NUP93: variants seen among roughly 807,000 people sequenced by gnomAD.
NUP93 encodes nucleoporin 93, also known as nuclear pore complex protein Nup93.
Under a neutral mutation model 107.8 loss-of-function variants are expected in NUP93, and 55 were observed. The ratio of observed to expected loss-of-function variants is 0.51; its 90% CI spans 0.41 to 0.64. The LOEUF (loss-of-function observed/expected upper bound fraction) is 0.64. Ranked by LOEUF, NUP93 falls within the 30% of genes least tolerant of loss-of-function variation. The pLI, the probability that NUP93 is intolerant of heterozygous loss-of-function variation, is 0.00. For missense variants in NUP93, 937 were observed against 1,044.7 expected, an observed-to-expected ratio of 0.90 and a Z score of 1.42; for synonymous variants, 390 against 397.5, an observed-to-expected ratio of 0.98 and a Z score of 0.22.
chr16:56,779,904 A>T (rs1962482700), intron 3 of NUP93, among the ~76,000 whole-genome samples: 2 of 152,166 alleles, frequency 1.3e-5, no homozygotes, highest in African/African-American at 4.8e-5. Context: ...TCCGTGAAAT[A>T]GTTTGACTTT....
chr16:56,740,175 C>T (rs1961699936), intron 1 of NUP93, among the ~76,000 whole-genome samples: 1 of 147,126 alleles, frequency 6.8e-6, no homozygotes, highest in African/African-American at 2.5e-5. Context: ...CGGAGACGCT[C>T]CTCACTTCCC....
In NUP93 at chr16:56,836,735, C is replaced by G; in HGVS notation, c.1899+18C>G. 2.0e-6 allele frequency: 3 copies of G among 1,509,410 alleles called. No individual in the cohort carries two copies. The highest frequency in any genetic ancestry group is 2.8e-6 in the Non-Finnish European group (3 of 1,086,270). 93.5% of individuals were successfully genotyped at this position (1,509,410 alleles called of 1,614,324 possible). A position where few individuals can be genotyped will look rare whatever the true frequency, so the allele number is the denominator to read the frequency against. On this transcript the variant is annotated intron_variant, in intron 17 of 21. Coordinates refer to ENST00000308159, the MANE Select transcript of NUP93 (RefSeq NM_014669.5). Reference sequence around the variant, plus strand: ...TTGCCAAGGTAAAGTGTGCCCACTTCCTTCTTTTGCACTTCACAGGTCTGC... The same window carrying G: ...TTGCCAAGGTAAAGTGTGCCCACTTGCTTCTTTTGCACTTCACAGGTCTGC...
chr16:56,735,651 C>T (rs947600486), intron 1 of NUP93, among the ~76,000 whole-genome samples: 2 of 152,016 alleles, frequency 1.3e-5, no homozygotes, highest in Non-Finnish European at 2.9e-5. Flanking sequence ...TCGAGACCAG[C>T]GTGGCAAACA....
chr16:56,779,255 AC>A (rs1424626837), intron 3 of NUP93, among the ~76,000 whole-genome samples: 1 of 152,156 alleles, frequency 6.6e-6, no homozygotes, highest in Non-Finnish European at 1.5e-5. Context: ...ATATTATTTT[AC>A]CTGGCAATTA....
At chr16:56,763,754 A>T (rs1962170875) in intron 3 of NUP93, among the ~76,000 whole-genome samples, 3 of 152,066 alleles carry the variant, frequency 2.0e-5, no homozygotes, top group African/African-American at 7.2e-5. Context: ...AACTTCCTGA[A>T]TGTTCCCTTA....
chr16:56,832,391 A>G lies in NUP93; in HGVS notation c.1345+3A>G. On this transcript the variant is annotated splice_donor_region_variant and intron_variant, in intron 12 of 21. Transcript: ENST00000308159. The stretch of plus-strand genomic sequence containing the variant: ...GAAGCAGTTGTTGGAAGACTATGGT[A>G]AGATTCTGGACATAACCACCTTTCC... 6.2e-7 allele frequency: 1 copy of G among 1,609,206 alleles called. No homozygotes were observed. The highest frequency in any genetic ancestry group is 8.5e-7 in the Non-Finnish European group (1 of 1,175,472).
chr16:56,801,283 T>C (rs1329371322), intron 4 of NUP93, among the ~76,000 whole-genome samples: 1 of 152,206 alleles, frequency 6.6e-6, no homozygotes, highest in Non-Finnish European at 1.5e-5. Flanking sequence ...ATAAACAGAA[T>C]AGATTGGAAT....
chr16:56,770,505 G>T (rs1455642596), intron 3 of NUP93, among the ~76,000 whole-genome samples: 1 of 152,162 alleles, frequency 6.6e-6, no homozygotes, highest in Admixed American at 6.5e-5. Context: ...TTTAAGGGGG[G>T]AAAATTGACT....
At chr16:56,830,427 T>C in intron 9 of NUP93, 101 bp from the exon 10 acceptor site, 1 of 1,121,402 alleles carries the variant, frequency 8.9e-7, no homozygotes, top group Non-Finnish European at 1.2e-6. Context: ...GAAGATTAAG[T>C]GACATATTAT....
chr16:56,750,335 A>C (rs1175156060), intron 2 of NUP93, among the ~76,000 whole-genome samples: 1 of 152,196 alleles, frequency 6.6e-6, no homozygotes, highest in East Asian at 1.9e-4. Flanking sequence ...TGGTGTGAAT[A>C]TTTTAGTACA....
intron 8 of NUP93, among the ~76,000 whole-genome samples, chr16:56,827,974 G>T (rs1307343577): frequency 1.3e-5 from 2 of 152,160 alleles, no homozygotes; most frequent in Non-Finnish European, 2.9e-5. Context: ...ACGAAAATTA[G>T]CTGGGCGTGG....
rs550426006 is a variant in NUP93, at chr16:56,773,010, T to C, written c.297+14355T>C. On this transcript the variant is annotated intron_variant, in intron 3 of 21. Transcript: ENST00000308159. The stretch of plus-strand genomic sequence containing the variant: ...CTCAGGCATGCCTACATGAGGAAGC[T>C]TCCATAAAAACCCAAAAGGAAGTCT... Among the ~76,000 whole-genome samples the C allele has an allele frequency of 8.5e-5, 13 of 152,334 alleles. No homozygotes were observed. In the South Asian group the frequency reaches 2.1e-3, roughly 24 times the overall value.
At chr16:56,790,132 A>C (rs570290404) in intron 3 of NUP93, among the ~76,000 whole-genome samples, 3 of 115,472 alleles carry the variant, frequency 2.6e-5, no homozygotes, top group East Asian at 5.1e-4. Flanking sequence ...CAAAACAAAA[A>C]AACAAGCAGT....
At position 56,775,649 on chromosome 16, in the gene NUP93, C is replaced by T. The variant is rs899229306; in HGVS notation, c.297+16994C>T. Among the ~76,000 whole-genome samples, 14 of 152,196 alleles carry T rather than the reference C, an allele frequency of 9.2e-5. 1 individual carries two copies. The highest frequency in any genetic ancestry group is 3.1e-4 in the African/African-American group (13 of 41,444). ...TTTTAAAACCATTTGCCTGTCCCTG[C>T]TGGAAGCCTGATGGAGAGAACAGTG... is the stretch of plus-strand genomic sequence containing the variant. On this transcript the variant is annotated intron_variant, in intron 3 of 21. Coordinates refer to ENST00000308159, the MANE Select transcript of NUP93 (RefSeq NM_014669.5).
intron 3 of NUP93, among the ~76,000 whole-genome samples, chr16:56,768,272 C>T (rs1281864934): frequency 6.6e-6 from 1 of 152,188 alleles, no homozygotes; most frequent in African/African-American, 2.4e-5. Flanking sequence ...ACATTACGTT[C>T]TTGTCTTTTG....
chr16:56,732,453 A>AT (rs1961550360), intron 1 of NUP93, among the ~76,000 whole-genome samples: 3 of 152,202 alleles, frequency 2.0e-5, no homozygotes. Flanking sequence ...AGGAAGTGTG[A>AT]TGTCAGGGCT....
At chr16:56,731,892 TAAAAG>T (rs1338105066) in intron 1 of NUP93, among the ~76,000 whole-genome samples, 10 of 151,260 alleles carry the variant, frequency 6.6e-5, no homozygotes, top group Admixed American at 5.2e-4. Context: ...TTCCTTTACT[TAAAAG>T]AAAAAAAAAA....
intron 3 of NUP93, among the ~76,000 whole-genome samples, chr16:56,764,730 A>G (rs567035412): frequency 6.6e-6 from 1 of 152,352 alleles, no homozygotes; most frequent in South Asian, 2.1e-4. Flanking sequence ...AGATTTGCCT[A>G]GAATGATTAA....
intron 1 of NUP93, among the ~76,000 whole-genome samples, chr16:56,735,405 G>C (rs1961595372): frequency 6.6e-6 from 1 of 152,188 alleles, no homozygotes; most frequent in Non-Finnish European, 1.5e-5. Context: ...ACATGTGCAA[G>C]GATAGTCAGG....
Sources: allele counts gnomAD v4.1 joint callset (sites outside exome capture counted in the v4.1 genomes callset), GRCh38; gene constraint gnomAD v4.1.1; transcripts MANE v1.5; gene names NCBI Gene and HGNC (gene_info 2026-07-23, HGNC 2026-07-21).